The following SLC25A13 variants were observed in gnomAD, a reference collection of about 807,000 sequenced individuals.
The protein encoded by SLC25A13 is electrogenic aspartate/glutamate antiporter SLC25A13, mitochondrial.
In SLC25A13, 70 loss-of-function variants were observed where a neutral mutation model predicts 85.5. That is an observed-to-expected ratio of 0.82 (90% confidence interval 0.68 to 1.00). The LOEUF (loss-of-function observed/expected upper bound fraction) is 1.00, where lower values mean the gene tolerates loss of function less well. Ranked by LOEUF, SLC25A13 falls within the 50% of genes least tolerant of loss-of-function variation. The probability of loss-of-function intolerance (pLI) is 0.00; values close to 1 mark genes in which losing one functional copy is unlikely to be tolerated. For missense variants in SLC25A13, 765 were observed against 819.8 expected, an observed-to-expected ratio of 0.93 and a Z score of 0.82; for synonymous variants, 259 against 288.7, an observed-to-expected ratio of 0.90 and a Z score of 1.04.
rs1431951130 is a variant in SLC25A13 at position 96,189,302 on chromosome 7, G to A, written c.925C>T (p.Gln309Ter). The part of the protein sequence containing the change: ...GTLPFNLAEA[Q>*]RQKASGDSAR... ...TGCTCCTCTTTGCTCACCTGCCTCT[G>A]GGCCTCAGCCAAGTTAAAGGGCAGA... Residue 309 changes from glutamine (Q) to a stop codon, truncating the protein, a stop_gained, in exon 9 of 18, where the codon CAG becomes TAG. Coordinates refer to ENST00000265631, the MANE Select transcript of SLC25A13 (RefSeq NM_014251.3). LOFTEE classifies it high-confidence loss of function. The A allele has an allele frequency of 1.2e-6, 2 of 1,613,956 alleles. No individual in the cohort carries two copies. Among genetic ancestry groups the A allele is most frequent in the Non-Finnish European group, 1.7e-6 (2 of 1,179,944 alleles).
chr7:96,194,903 G>C (rs145879296), intron 5 of SLC25A13, among the ~76,000 whole-genome samples: 2 of 151,986 alleles, frequency 1.3e-5, no homozygotes, highest in East Asian at 1.9e-4. Flanking sequence ...TGCCAGTTTC[G>C]AACCAGCCTG....
At chr7:96,302,110 GTTA>G (rs1799568494) in intron 1 of SLC25A13, among the ~76,000 whole-genome samples, 1 of 152,160 alleles carries the variant, frequency 6.6e-6, no homozygotes. Flanking sequence ...ATAAACACTG[GTTA>G]TAATTGTGTA....
At chr7:96,265,169 T>C (rs1229627904) in intron 3 of SLC25A13, among the ~76,000 whole-genome samples, 1 of 152,198 alleles carries the variant, frequency 6.6e-6, no homozygotes, top group African/African-American at 2.4e-5. Context: ...TCCTCTCTGT[T>C]ACCTTAAAAT....
chr7:96,220,651 A>G (rs181500021), intron 4 of SLC25A13, among the ~76,000 whole-genome samples: 44 of 152,302 alleles, frequency 2.9e-4, no homozygotes, highest in Non-Finnish European at 1.2e-4. Context: ...TTAGTTTAAA[A>G]TAGTCAAATT....
intron 15 of SLC25A13, among the ~76,000 whole-genome samples, chr7:96,126,128 T>C (rs1791717619): frequency 6.6e-6 from 1 of 152,140 alleles, no homozygotes; most frequent in Non-Finnish European, 1.5e-5. Context: ...TACCATATTC[T>C]AGGTATGCTT....
intron 1 of SLC25A13, among the ~76,000 whole-genome samples, chr7:96,319,345 C>T (rs758258457): frequency 6.6e-6 from 1 of 151,968 alleles, no homozygotes; most frequent in Non-Finnish European, 1.5e-5. Flanking sequence ...TCAAGAGATC[C>T]AAGACCAGCC....
intron 14 of SLC25A13, among the ~76,000 whole-genome samples, chr7:96,145,620 C>A (rs1792750676): frequency 6.6e-6 from 1 of 152,072 alleles, no homozygotes; most frequent in Non-Finnish European, 1.5e-5. Context: ...TTTGCAGGAA[C>A]AATATCATAC....
chr7:96,135,259 A>G (rs1239022696), intron 14 of SLC25A13, among the ~76,000 whole-genome samples: 1 of 152,104 alleles, frequency 6.6e-6, no homozygotes, highest in African/African-American at 2.4e-5. Flanking sequence ...CTCTCCTAGC[A>G]CCTTCTCTGG....
intron 15 of SLC25A13, among the ~76,000 whole-genome samples, chr7:96,123,430 G>A (rs2116390711): frequency 6.6e-6 from 1 of 152,308 alleles, no homozygotes; most frequent in Admixed American, 6.5e-5. Flanking sequence ...ATGTCAGACT[G>A]TGACTGTGAA....
intron 3 of SLC25A13, among the ~76,000 whole-genome samples, chr7:96,272,452 G>A (rs563952985): frequency 5.3e-5 from 8 of 152,290 alleles, no homozygotes; most frequent in African/African-American, 1.9e-4. Context: ...TAACACCCTG[G>A]TAACAATAAG....
At chr7:96,145,835 A>G (rs1792761616) in intron 14 of SLC25A13, among the ~76,000 whole-genome samples, 1 of 152,216 alleles carries the variant, frequency 6.6e-6, no homozygotes, top group African/African-American at 2.4e-5. Flanking sequence ...GTGACTGTAT[A>G]CATTTCTGTG....
intron 11 of SLC25A13, among the ~76,000 whole-genome samples, chr7:96,182,834 G>C (rs1234956150): frequency 6.6e-6 from 1 of 152,200 alleles, no homozygotes. Context: ...AGGCATCCTT[G>C]ACATTTAATC....
intron 2 of SLC25A13, among the ~76,000 whole-genome samples, chr7:96,289,897 G>A (rs959598619): frequency 1.3e-5 from 2 of 152,082 alleles, no homozygotes; most frequent in African/African-American, 4.8e-5. Flanking sequence ...TCAAATTCAG[G>A]AAATACAAAG....
At chr7:96,304,830 A>G (rs892391849) in intron 1 of SLC25A13, among the ~76,000 whole-genome samples, 3 of 152,122 alleles carry the variant, frequency 2.0e-5, no homozygotes, top group African/African-American at 4.8e-5. Context: ...TAAATCAGAA[A>G]CCCTGCCCCA....
At position 96,204,017 on chromosome 7, in the gene SLC25A13, A is replaced by G. The variant is rs530477818; in HGVS notation, c.468+4821T>C. ...CACACACCTGTCATCTGACTGCAGA[A>G]GCTAAGCTCTAGAACAGCTGCTCTT... On this transcript the variant is annotated intron_variant, in intron 5 of 17. Transcript: ENST00000265631. Among the ~76,000 whole-genome samples, 19 of 152,342 alleles carry G rather than the reference A, an allele frequency of 1.2e-4. No homozygotes were observed. The South Asian group carries it at 3.7e-3, about 30-fold the overall frequency.
At chr7:96,152,825 G>A (rs756773958) in intron 13 of SLC25A13, among the ~76,000 whole-genome samples, 3 of 152,160 alleles carry the variant, frequency 2.0e-5, no homozygotes, top group African/African-American at 4.8e-5. Flanking sequence ...GTGAGAAGGC[G>A]AAAGGACCAA....
intron 4 of SLC25A13, among the ~76,000 whole-genome samples, chr7:96,220,088 T>C (rs920207254): frequency 5.3e-5 from 8 of 152,198 alleles, no homozygotes; most frequent in Non-Finnish European, 1.2e-4. Flanking sequence ...TAAGCTTGCT[T>C]TAATCATCTG....
chr7:96,219,607 T>G, intron 4 of SLC25A13: 2 of 497,690 alleles, frequency 4.0e-6, no homozygotes, highest in Middle Eastern at 3.3e-4. Flanking sequence ...AGGAACTACA[T>G]TCCCTTGGAG....
At chr7:96,183,390 C>T (rs1212480965) in intron 11 of SLC25A13, among the ~76,000 whole-genome samples, 2 of 152,092 alleles carry the variant, frequency 1.3e-5, no homozygotes, top group African/African-American at 2.4e-5. Context: ...CCAGTTTCAC[C>T]GTCCACCTCA....
Sources: allele counts gnomAD v4.1 joint callset (sites outside exome capture counted in the v4.1 genomes callset), GRCh38; gene constraint gnomAD v4.1.1; transcripts MANE v1.5; gene names NCBI Gene and HGNC (gene_info 2026-07-23, HGNC 2026-07-21).